CASKIN1: variants seen among roughly 807,000 people sequenced by gnomAD.
CASKIN1 encodes caskin-1.
In CASKIN1, 42 loss-of-function variants were observed where a neutral mutation model predicts 117.5. The observed-to-expected ratio is 0.36, with a 90% CI of 0.28 to 0.46. CASKIN1 has a LOEUF of 0.46. Ranked by LOEUF, CASKIN1 falls within the 20% of genes least tolerant of loss-of-function variation. CASKIN1 has a pLI of 1.00. For missense variants in CASKIN1, 2,083 were observed against 2,077.3 expected, an observed-to-expected ratio of 1.00 and a Z score of -0.05; for synonymous variants, 1,148 against 961.7, an observed-to-expected ratio of 1.19 and a Z score of -3.59.
chr16:2,181,098 G>C lies in CASKIN1; in HGVS notation c.2270C>G (p.Pro757Arg). The stretch of plus-strand genomic sequence containing the variant: ...CTGCCGTGGCTTGCCAGGCACGGGG[G>C]GCACGCTGGCCCTCTTGATGCTGTG... The part of the protein sequence containing the change: ...HGHSIKRASV[P>R]PVPGKPRQVL... The change falls in exon 18 of 20, where the codon CCC becomes CGC. Residue 757 changes from proline (P) to arginine (R), a missense_variant. By Grantham distance (103) the Pro-to-Arg change is moderately radical (BLOSUM62 -2). Coordinates refer to ENST00000343516, the MANE Select transcript of CASKIN1 (RefSeq NM_020764.4). 3.4e-6 allele frequency: 5 copies of C among 1,479,906 alleles called. No individual in the cohort carries two copies. The highest frequency in any genetic ancestry group is 4.5e-6 in the Non-Finnish European group (5 of 1,122,936). 91.7% of individuals were successfully genotyped at this position (1,479,906 alleles called of 1,614,324 possible).
At chr16:2,190,026 C>CCCG in intron 3 of CASKIN1, 47 bp downstream of exon 3, 3 of 1,481,984 alleles carry the variant, frequency 2.0e-6, no homozygotes, top group South Asian at 1.1e-5. Context: ...GAGCCCCCCT[C>CCCG]GCTGCCCCCG....
At chr16:2,183,582 G>A in intron 16 of CASKIN1, 64 bp downstream of exon 16, 1 of 1,513,746 alleles carries the variant, frequency 6.6e-7, no homozygotes, top group Non-Finnish European at 9.1e-7. Context: ...AGGGAGGCAG[G>A]TTCTCTGTCT....
rs977436833 is a variant in CASKIN1, at chr16:2,178,540, C to T, written c.*10G>A. On this transcript the variant is annotated 3_prime_UTR_variant, in exon 20 of 20. Transcript: ENST00000343516. ...CCCGGGCGGCGCGGGAGGGCCCGGC[C>T]AGGCGGCGTTCACTCCAGCATGGCA... 7.0e-6 allele frequency: 11 copies of T among 1,571,656 alleles called. No homozygotes were observed. The highest frequency in any genetic ancestry group is 8.6e-6 in the Non-Finnish European group (10 of 1,166,100).
Position 2,182,011 on chromosome 16 carries a change from T to G in CASKIN1, c.1630-82A>C. 2 of 1,587,118 alleles carry G rather than the reference T, an allele frequency of 1.3e-6. No individual in the cohort carries two copies. Among genetic ancestry groups the G allele is most frequent in the Non-Finnish European group, 1.7e-6 (2 of 1,162,600 alleles). Reference sequence around the variant, plus strand: ...CTACCTGGAGCTGGAGGAGGAAGGGTCACCGGGCCAGCAGGGCACAGACAG... The same window carrying G: ...CTACCTGGAGCTGGAGGAGGAAGGGGCACCGGGCCAGCAGGGCACAGACAG... On this transcript the variant is annotated intron_variant, in intron 16 of 19. Transcript: ENST00000343516. The surrounding 1 kb of genome is among the most constrained non-coding windows in gnomAD (Gnocchi z 4.1).
At chr16:2,193,226 A>T (rs987922623) in intron 1 of CASKIN1, among the ~76,000 whole-genome samples, 1 of 152,156 alleles carries the variant, frequency 6.6e-6, no homozygotes. Context: ...CATGTTGGTC[A>T]GGCTGGTCTC....
Position 2,196,573 on chromosome 16 carries a change from T to A in CASKIN1, c.-141A>T. ...GCCGCCCGCCGCCCCTTCGCCCTCCTCGGGCTCCGGCTTGGGCTCGGGCTC... is the reference window on the plus strand; with the variant it reads ...GCCGCCCGCCGCCCCTTCGCCCTCCACGGGCTCCGGCTTGGGCTCGGGCTC... On this transcript the variant is annotated 5_prime_UTR_variant, in exon 1 of 20. Coordinates refer to ENST00000343516, the MANE Select transcript of CASKIN1 (RefSeq NM_020764.4). The surrounding 1 kb of genome is among the most constrained non-coding windows in gnomAD (Gnocchi z 5.7). 5.8e-6 allele frequency: 1 copy of A among 173,500 alleles called. No homozygotes were observed. The highest frequency in any genetic ancestry group is 1.1e-5 in the Non-Finnish European group (1 of 91,388). The allele number at this position is 173,500 out of a possible 1,614,324, so 10.7% of individuals were successfully genotyped here.
In CASKIN1 at chr16:2,179,244, G is replaced by T; in HGVS notation, c.3857C>A (p.Ala1286Glu). 8.3e-7 allele frequency: 1 copy of T among 1,201,388 alleles called. No homozygotes were observed. The highest frequency in any genetic ancestry group is 1.0e-6 in the Non-Finnish European group (1 of 968,806). The allele number at this position is 1,201,388 out of a possible 1,614,324, so 74.4% of individuals were successfully genotyped here. ...PPPTAPKPVK[A>E]VAGLPSGSAG... The stretch of plus-strand genomic sequence containing the variant: ...GCTGCCCGAAGGCAGCCCCGCGACC[G>T]CCTTGACGGGCTTGGGCGCTGTGGG... Residue 1286 changes from alanine to glutamate, a missense_variant, in exon 19 of 20, where the codon GCG (alanine) becomes GAG (glutamate). Ala to Glu is a moderately radical substitution (Grantham distance 107). Transcript: ENST00000343516. This position sits in a 1 kb window ranked among gnomAD's most constrained non-coding sequence, Gnocchi z 5.8.
chr16:2,189,259 G>C lies in CASKIN1; in HGVS notation c.465C>G (p.Ala155=). The change falls in exon 5 of 20, where the codon GCC becomes GCG. Residue 155 remains alanine (A), a synonymous_variant. Coordinates refer to ENST00000343516, the MANE Select transcript of CASKIN1 (RefSeq NM_020764.4). ...DNSGKTPLDL[A]CEFGRVGVVQ... ...TCACCCCAACGCGGCCGAACTCGCA[G>C]GCCAGGTCCAGGGGCGTCTTCCCCG... 1 of 1,613,278 alleles carries C rather than the reference G, an allele frequency of 6.2e-7. No individual in the cohort carries two copies. The highest frequency in any genetic ancestry group is 8.5e-7 in the Non-Finnish European group (1 of 1,179,916).
At position 2,186,722 on chromosome 16, in the gene CASKIN1, T is replaced by C. The variant is rs372751094; in HGVS notation, c.1033A>G (p.Ile345Val). 1.2e-5 allele frequency: 20 copies of C among 1,612,632 alleles called. No individual in the cohort carries two copies. The highest frequency in any genetic ancestry group is 1.5e-5 in the Non-Finnish European group (18 of 1,179,858). Residue 345 changes from isoleucine to valine, a missense_variant, in exon 10 of 20, where the codon ATT becomes GTT. By Grantham distance (29) the Ile-to-Val change is conservative. Transcript: ENST00000343516. ...TGGAACTTGCCTGCTCGCTTGACAA[T>C]GGCCTCGCCCAGGGAGGACGGGAAG... Reference protein sequence around the residue: ...GYFPSSLGEAIVKRAGSRAGT... With the variant: ...GYFPSSLGEAVVKRAGSRAGT...
intron 6 of CASKIN1, among the ~76,000 whole-genome samples, chr16:2,188,397 C>G (rs1227160577): frequency 2.0e-5 from 3 of 151,700 alleles, no homozygotes; most frequent in Non-Finnish European, 4.4e-5. Context: ...GTCACCCAGG[C>G]TGGAGTACAG....
chr16:2,177,678 C>T lies in CASKIN1; in HGVS notation c.*872G>A, dbSNP rs1487558571. The T allele has an allele frequency of 8.2e-6, 2 of 242,436 alleles. No individual in the cohort carries two copies. Among genetic ancestry groups the T allele is most frequent in the Non-Finnish European group, 1.6e-5 (2 of 123,276 alleles). The allele number at this position is 242,436 out of a possible 1,614,324, so 15.0% of individuals were successfully genotyped here. On this transcript the variant is annotated 3_prime_UTR_variant, in exon 20 of 20. Coordinates refer to ENST00000343516, the MANE Select transcript of CASKIN1 (RefSeq NM_020764.4). ...GAGGAGCTGCAAGCCCGTGGCCTGG[C>T]CTGCTACATGCCCTGCTTCCACGTG...
chr16:2,180,257 C>T lies in CASKIN1; in HGVS notation c.3111G>A (p.Pro1037=), dbSNP rs777189256. The T allele has an allele frequency of 5.8e-6, 9 of 1,556,692 alleles. No individual in the cohort carries two copies. Among genetic ancestry groups the T allele is most frequent in the Admixed American group, 5.7e-5 (3 of 52,388 alleles). The change falls in exon 18 of 20, where the codon CCG becomes CCA. Residue 1037 remains proline, a synonymous_variant. Transcript: ENST00000343516. ...AGGCCAGCACGGTGGCCACCCGGCCCGGCTCTGGGCTGGCAGGGCGGGGAG... is the reference window on the plus strand; with the variant it reads ...AGGCCAGCACGGTGGCCACCCGGCCTGGCTCTGGGCTGGCAGGGCGGGGAG... ...HPTPRPASPE[P]GRVATVLASV...
intron 7 of CASKIN1, 38 bp downstream of exon 7, chr16:2,187,315 A>G: frequency 6.2e-7 from 1 of 1,613,412 alleles, no homozygotes; most frequent in Non-Finnish European, 8.5e-7. Context: ...GAGCCCCTAC[A>G]GTCCACTGGG....
At position 2,179,005 on chromosome 16, in the gene CASKIN1, C is replaced by T. The variant is rs1296010908; in HGVS notation, c.4096G>A (p.Gly1366Arg). 13 of 1,233,278 alleles carry T rather than the reference C, an allele frequency of 1.1e-5. No homozygotes were observed. Among genetic ancestry groups the T allele is most frequent in the Middle Eastern group, 3.2e-4 (1 of 3,160 alleles). The allele number at this position is 1,233,278 out of a possible 1,614,324, so 76.4% of individuals were successfully genotyped here. A position where few individuals can be genotyped will look rare whatever the true frequency, so the allele number is the denominator to read the frequency against. Reference protein sequence around the residue: ...PPAPPEGASPGDSARQKLEET... With the variant: ...PPAPPEGASPRDSARQKLEET... ...TCCAGTTTCTGCCGGGCGCTGTCCC[C>T]TGGCGAGGCGCCTTCGGGCGGGGCG... is the stretch of plus-strand genomic sequence containing the variant. The change falls in exon 19 of 20, where the codon GGG becomes AGG. Residue 1366 changes from glycine (G) to arginine (R), a missense_variant. Coordinates refer to ENST00000343516, the MANE Select transcript of CASKIN1 (RefSeq NM_020764.4). This position sits in a 1 kb window ranked among gnomAD's most constrained non-coding sequence, Gnocchi z 5.8.
chr16:2,184,868 C>G lies in CASKIN1; in HGVS notation c.1325G>C (p.Gly442Ala). 1.9e-6 allele frequency: 3 copies of G among 1,573,308 alleles called. No homozygotes were observed. The highest frequency in any genetic ancestry group is 2.6e-6 in the Non-Finnish European group (3 of 1,156,930). Residue 442 changes from glycine (G) to alanine (A), a missense_variant and splice_region_variant, in exon 14 of 20, where the codon GGT becomes GCT. By Grantham distance (60) the Gly-to-Ala change is moderately conservative. Transcript: ENST00000343516. Reference protein sequence around the residue: ...SPAKPPEGSAGVARSQPPVAH... With the variant: ...SPAKPPEGSAAVARSQPPVAH... ...CACTGGAGGCTGGGACCGGGCCACA[C>G]CTGAGGACGAGAGTGGGTGGGGGAC...
In CASKIN1 at chr16:2,180,957, A is replaced by G; in HGVS notation, c.2411T>C (p.Val804Ala). Residue 804 changes from valine to alanine, a missense_variant, in exon 18 of 20, where the codon GTG becomes GCG. Physicochemically the swap from Val to Ala is moderately conservative, Grantham distance 64. This residue lies in a region of CASKIN1 where 1,818 missense variants were observed against 1,688.9 expected (regional missense o/e 1.08). Transcript: ENST00000343516. The stretch of plus-strand genomic sequence containing the variant: ...CGGCAGCAGCTGCGGGGTGGGCTTC[A>G]CCTTGGCCGTAGCTGGGGCTGGACC... ...PHGPAPATAK[V>A]KPTPQLLPPT... is the part of the protein sequence containing the mutation. 2 of 1,465,808 alleles carry G rather than the reference A, an allele frequency of 1.4e-6. No homozygotes were observed. Among genetic ancestry groups the G allele is most frequent in the Non-Finnish European group, 1.8e-6 (2 of 1,114,176 alleles). The allele number at this position is 1,465,808 out of a possible 1,614,324, so 90.8% of individuals were successfully genotyped here.
Position 2,178,459 on chromosome 16 carries a change from C to G in CASKIN1, c.*91G>C. On this transcript the variant is annotated 3_prime_UTR_variant, in exon 20 of 20. Coordinates refer to ENST00000343516, the MANE Select transcript of CASKIN1 (RefSeq NM_020764.4). ...GCTTCTGCAGGGCCCTGCCCGGCCG[C>G]TCGCGCCGCGCCCAGACGCGCCCAT... 9.4e-7 allele frequency: 1 copy of G among 1,065,974 alleles called. No homozygotes were observed. Among genetic ancestry groups the G allele is most frequent in the South Asian group, 1.8e-5 (1 of 56,732 alleles). The allele number at this position is 1,065,974 out of a possible 1,614,324, so 66.0% of individuals were successfully genotyped here.
intron 1 of CASKIN1, among the ~76,000 whole-genome samples, chr16:2,191,455 T>C (rs2093201407): frequency 6.6e-6 from 1 of 152,180 alleles, no homozygotes; most frequent in African/African-American, 2.4e-5. Context: ...TGTCCTTGGC[T>C]GCTGGCGCCC....
rs1228316387 is a variant in CASKIN1, at chr16:2,196,397, CT to C, written c.35del (p.Lys12ArgfsTer5). ...GKEQELVQAV[K>X]AEDVGTAQRL... Reference sequence around the variant, plus strand: ...TCTGCGCGGTCCCTACGTCCTCCGCCTTCACCGCCTGCACCAGCTCCTGCTC... The same window carrying C: ...TCTGCGCGGTCCCTACGTCCTCCGCCTCACCGCCTGCACCAGCTCCTGCTC... On this transcript the variant is annotated frameshift_variant, in exon 1 of 20. Coordinates refer to ENST00000343516, the MANE Select transcript of CASKIN1 (RefSeq NM_020764.4). LOFTEE classifies it high-confidence loss of function. This position sits in a 1 kb window ranked among gnomAD's most constrained non-coding sequence, Gnocchi z 5.7. 2.2e-6 allele frequency: 3 copies of C among 1,370,276 alleles called. No individual in the cohort carries two copies. Among genetic ancestry groups the C allele is most frequent in the South Asian group, 1.4e-5 (1 of 71,706 alleles). 84.9% of individuals were successfully genotyped at this position (1,370,276 alleles called of 1,614,324 possible).
Sources: allele counts gnomAD v4.1 joint callset (sites outside exome capture counted in the v4.1 genomes callset), GRCh38; gene constraint gnomAD v4.1.1; regional missense constraint gnomAD v4.1.1; non-coding constraint Gnocchi (gnomAD v3.1); transcripts MANE v1.5; gene names NCBI Gene and HGNC (gene_info 2026-07-23, HGNC 2026-07-21).